ARHGAP39: variants seen among roughly 807,000 people sequenced by gnomAD.
ARHGAP39 encodes Rho GTPase activating protein 39, also known as rho GTPase-activating protein 39.
A neutral mutation model predicts 106.9 loss-of-function variants in ARHGAP39; 44 were observed. The ratio of observed to expected loss-of-function variants is 0.41; its 90% CI spans 0.32 to 0.53. The LOEUF is 0.53. Ranked by LOEUF, ARHGAP39 falls within the 20% of genes least tolerant of loss-of-function variation. The pLI is 0.21. For missense variants in ARHGAP39, 1,496 were observed against 1,577.3 expected (o/e 0.95, Z 0.87); for synonymous variants, 768 against 693.2 (o/e 1.11, Z -1.69).
intron 4 of ARHGAP39, among the ~76,000 whole-genome samples, chr8:144,550,150 T>A (rs1476903466): frequency 1.3e-5 from 2 of 151,802 alleles, no homozygotes; most frequent in African/African-American, 4.8e-5. Context: ...GGTGTGCTCC[T>A]GTAGTCCCAG....
upstream of ARHGAP39, among the ~76,000 whole-genome samples, chr8:144,687,781 T>C (rs2956179): frequency 3.0e-4 from 26 of 87,572 alleles, 1 homozygote; most frequent in South Asian, 1.2e-3. Context: ...ACACTGGCGG[T>C]GAGCACTTCC....
At chr8:144,638,793 C>T (rs775394567) in intron 1 of ARHGAP39, among the ~76,000 whole-genome samples, 12 of 152,224 alleles carry the variant, frequency 7.9e-5, no homozygotes, top group Non-Finnish European at 1.5e-4. Context: ...GCTTCCCTCA[C>T]TGCCGACATG....
chr8:144,565,098 G>A (rs752718311), intron 3 of ARHGAP39, among the ~76,000 whole-genome samples: 6 of 151,654 alleles, frequency 4.0e-5, no homozygotes, highest in Non-Finnish European at 7.4e-5. Context: ...CAACAAGAGT[G>A]AATTCCATCT....
chr8:144,565,315 A>G (rs894174636), intron 3 of ARHGAP39, among the ~76,000 whole-genome samples: 1 of 151,868 alleles, frequency 6.6e-6, no homozygotes, highest in Non-Finnish European at 1.5e-5. Flanking sequence ...GAAAGAAAAA[A>G]CGCTTCGTGA....
chr8:144,652,695 T>G (rs927149531), intron 1 of ARHGAP39, among the ~76,000 whole-genome samples: 2 of 151,174 alleles, frequency 1.3e-5, no homozygotes, highest in East Asian at 3.9e-4. Context: ...CACTTGTAAG[T>G]GGGAGATAAA....
In ARHGAP39 at chr8:144,603,341, A is replaced by C. The variant is rs561938178; in HGVS notation, c.80+2194T>G. Among the ~76,000 whole-genome samples, 856 of 151,498 alleles carry C rather than the reference A, an allele frequency of 5.7e-3. 12 individuals are homozygous for C. The highest frequency in any genetic ancestry group is 0.02 in the African/African-American group (809 of 41,240). On this transcript the variant is annotated intron_variant, in intron 2 of 11. Coordinates refer to ENST00000377307, the MANE Select transcript of ARHGAP39 (RefSeq NM_025251.3). ...TGCATGTACCTGCATGTGTGGAGGC[A>C]TGTGTGCACGCTCGTGAACCTGTGT... is the stretch of plus-strand genomic sequence containing the variant.
chr8:144,543,341 G>A lies in ARHGAP39; in HGVS notation c.2521+1908C>T, dbSNP rs141313341. 4.6e-5 allele frequency among the ~76,000 whole-genome samples: 7 copies of A among 152,302 alleles called. No homozygotes were observed. In the East Asian group the frequency reaches 1.2e-3, roughly 25 times the overall value. On this transcript the variant is annotated intron_variant, in intron 6 of 11. Coordinates refer to ENST00000377307, the MANE Select transcript of ARHGAP39 (RefSeq NM_025251.3). ...GGACACCTCCTAGGCACAGGAGGCT[G>A]GCTGGAGGGGGTGTGAGGCTCATTT... is the stretch of plus-strand genomic sequence containing the variant.
At chr8:144,638,156 C>T (rs1444163899) in intron 1 of ARHGAP39, among the ~76,000 whole-genome samples, 1 of 152,200 alleles carries the variant, frequency 6.6e-6, no homozygotes, top group Non-Finnish European at 1.5e-5. Flanking sequence ...GGTTCCTTCT[C>T]TCAATATTGA....
rs1563721809 is a variant in ARHGAP39 at position 144,645,285 on chromosome 8, A to C, written c.-81-39590T>G. 1.3e-5 allele frequency among the ~76,000 whole-genome samples: 2 copies of C among 152,258 alleles called. No individual in the cohort carries two copies. Among genetic ancestry groups the C allele is most frequent in the African/African-American group, 4.8e-5 (2 of 41,482 alleles). On this transcript the variant is annotated intron_variant, in intron 1 of 11. Transcript: ENST00000377307. The surrounding 1 kb of genome is among the most constrained non-coding windows in gnomAD (Gnocchi z 4.4). ...CACTACATGAACTGAAGGCACGAGA[A>C]GTCCAGGTGTCAAGGAGAGGTTGGC... is the stretch of plus-strand genomic sequence containing the variant.
At chr8:144,561,705 C>T (rs1452193947) in intron 3 of ARHGAP39, among the ~76,000 whole-genome samples, 1 of 146,910 alleles carries the variant, frequency 6.8e-6, no homozygotes, top group African/African-American at 2.6e-5. Context: ...GTTTCCATCA[C>T]ACTCCAGTGG....
chr8:144,576,491 T>C (rs919618403), intron 3 of ARHGAP39, among the ~76,000 whole-genome samples: 19 of 152,056 alleles, frequency 1.2e-4, no homozygotes, highest in African/African-American at 4.4e-4. Context: ...CCCTGAGCCA[T>C]GGGTGACAGG....
At chr8:144,683,298 G>C (rs1307128930) in intron 1 of ARHGAP39, 2 of 150,596 alleles carry the variant, frequency 1.3e-5, no homozygotes, top group Non-Finnish European at 3.0e-5. Flanking sequence ...CTGGGCGACA[G>C]AGCGAGACTC....
chr8:144,550,595 C>A (rs2130850362), intron 4 of ARHGAP39, among the ~76,000 whole-genome samples: 1 of 152,386 alleles, frequency 6.6e-6, no homozygotes, highest in African/African-American at 2.4e-5. Context: ...TGACCAGGGA[C>A]AACCTGCTCC....
At chr8:144,652,414 C>T (rs1821596732) in intron 1 of ARHGAP39, among the ~76,000 whole-genome samples, 1 of 152,222 alleles carries the variant, frequency 6.6e-6, no homozygotes, top group East Asian at 1.9e-4. Flanking sequence ...ATTGGGTATA[C>T]ACCCAGAGAA....
intron 1 of ARHGAP39, among the ~76,000 whole-genome samples, chr8:144,656,508 A>G (rs548202512): frequency 6.6e-6 from 1 of 152,224 alleles, no homozygotes; most frequent in East Asian, 1.9e-4. Flanking sequence ...CAAATTCAAA[A>G]GTTAGTCTAA....
intron 3 of ARHGAP39, among the ~76,000 whole-genome samples, chr8:144,570,809 G>A (rs986809259): frequency 2.0e-5 from 3 of 152,112 alleles, no homozygotes; most frequent in Non-Finnish European, 2.9e-5. Context: ...TACCAGCACC[G>A]ATCCCACAGA....
intron 1 of ARHGAP39, among the ~76,000 whole-genome samples, chr8:144,661,928 C>T (rs1821833001): frequency 1.4e-5 from 2 of 140,604 alleles, no homozygotes; most frequent in Non-Finnish European, 3.1e-5. Flanking sequence ...TCTCCATTAT[C>T]CACCTTGGAC....
the ARHGAP39 span, among the ~76,000 whole-genome samples, chr8:144,697,914 A>G: frequency 2.6e-5 from 4 of 152,160 alleles, no homozygotes; most frequent in Admixed American, 2.0e-4. Context: ...GCTTGATTCT[A>G]TTTGCTACTG....
intron 4 of ARHGAP39, among the ~76,000 whole-genome samples, chr8:144,553,480 C>T (rs1817797906): frequency 1.3e-5 from 2 of 152,216 alleles, no homozygotes; most frequent in Non-Finnish European, 1.5e-5. Context: ...TCTGGCTATC[C>T]ACTTCCCCAC....
Sources: allele counts gnomAD v4.1 joint callset (sites outside exome capture counted in the v4.1 genomes callset), GRCh38; gene constraint gnomAD v4.1.1; non-coding constraint Gnocchi (gnomAD v3.1); transcripts MANE v1.5; gene names NCBI Gene and HGNC (gene_info 2026-07-23, HGNC 2026-07-21).